The following ITPR2 variants were observed in gnomAD, a reference collection of about 807,000 sequenced individuals.
ITPR2 encodes the protein inositol 1,4,5-trisphosphate-gated calcium channel ITPR2.
Under a neutral mutation model 317.1 loss-of-function variants are expected in ITPR2, and 207 were observed. The observed-to-expected ratio is 0.65, with a 90% CI of 0.58 to 0.73. The LOEUF is 0.73. Ranked by LOEUF, ITPR2 falls within the 30% of genes least tolerant of loss-of-function variation. The pLI is 0.00. For synonymous variants in ITPR2, 1,156 were observed against 1,149.1 expected (o/e 1.01, Z -0.12); for missense variants, 2,613 against 3,284.0 (o/e 0.80, Z 4.99).
intron 1 of ITPR2, among the ~76,000 whole-genome samples, chr12:26,796,426 A>G (rs190268634): frequency 1.3e-3 from 192 of 152,352 alleles, no homozygotes; most frequent in Non-Finnish European, 2.4e-3. Flanking sequence ...TATCCAACAA[A>G]TTGGTAAAAA....
intron 35 of ITPR2, among the ~76,000 whole-genome samples, chr12:26,560,734 A>C (rs7309048): frequency 0.63 from 95,040 of 152,012 alleles, 31,873 homozygotes; most frequent in Non-Finnish European, 0.77. Context: ...CATTTTCCCC[A>C]AAATTTTTAA....
At chr12:26,375,719 A>G (rs1343280287) in intron 55 of ITPR2, among the ~76,000 whole-genome samples, 4 of 152,240 alleles carry the variant, frequency 2.6e-5, no homozygotes, top group Admixed American at 2.0e-4. Flanking sequence ...CTGTGATTTC[A>G]GCTATCAAGT....
At chr12:26,418,288 C>T (rs1940785492) in intron 50 of ITPR2, among the ~76,000 whole-genome samples, 1 of 152,116 alleles carries the variant, frequency 6.6e-6, no homozygotes, top group Non-Finnish European at 1.5e-5. Context: ...CAATGCTCTC[C>T]ACTGCATGCC....
chr12:26,831,749 ACATAAAATATATAAATATATATTC>A lies in ITPR2; in HGVS notation c.92+917_92+940del, dbSNP rs1176235008. On this transcript the variant is annotated intron_variant, in intron 1 of 56. Transcript: ENST00000381340. This position sits in a 1 kb window ranked among gnomAD's most constrained non-coding sequence, Gnocchi z 4.9. ...CATAAAATATATAAATATATATTCTACATAAAATATATAAATATATATTCTACATAAAATATATAAATATATATT... is the reference window on the plus strand; with the variant it reads ...CATAAAATATATAAATATATATTCTATACATAAAATATATAAATATATATT... Among the ~76,000 whole-genome samples, 4 of 119,848 alleles carry A rather than the reference ACATAAAATATATAAATATATATTC, an allele frequency of 3.3e-5. No individual in the cohort carries two copies. Among genetic ancestry groups the A allele is most frequent in the Non-Finnish European group, 5.7e-5 (3 of 52,746 alleles). The allele number at this position is 119,848 out of a possible 152,430, so 78.6% of individuals were successfully genotyped here.
rs769167915 is a variant in ITPR2 at position 26,387,504 on chromosome 12, A to G, written c.7787T>C (p.Ile2596Thr). The part of the protein sequence containing the change: ...EHNMWHYLYF[I>T]VLVKVKDPTE... The stretch of plus-strand genomic sequence containing the variant: ...TGGGTCTTTAACTTTCACCAGGACT[A>G]TGAAGTACAAATAATGCCACATATT... Residue 2596 changes from isoleucine to threonine, a missense_variant, in exon 55 of 57, where the codon ATA becomes ACA. Transcript: ENST00000381340. 1.5e-5 allele frequency: 24 copies of G among 1,613,776 alleles called. No homozygotes were observed. Among genetic ancestry groups the G allele is most frequent in the Non-Finnish European group, 1.7e-5 (20 of 1,179,856 alleles).
intron 48 of ITPR2, among the ~76,000 whole-genome samples, chr12:26,432,071 C>A (rs1403343186): frequency 6.6e-6 from 1 of 152,030 alleles, no homozygotes; most frequent in East Asian, 1.9e-4. Context: ...CTAGATTCCC[C>A]AAATGTCAAC....
chr12:26,773,591 T>G (rs1274496054), intron 2 of ITPR2, among the ~76,000 whole-genome samples: 60 of 152,202 alleles, frequency 3.9e-4, no homozygotes, highest in Admixed American at 3.9e-3. Context: ...CACTCAAAAT[T>G]CACACACTGT....
In ITPR2 at chr12:26,642,408, TG is replaced by T. The variant is rs564451690; in HGVS notation, c.2741-10350del. Among the ~76,000 whole-genome samples, 288 of 151,986 alleles carry T rather than the reference TG, an allele frequency of 1.9e-3. 2 individuals are homozygous for T. Among genetic ancestry groups the T allele is most frequent in the Non-Finnish European group, 3.0e-3 (201 of 67,964 alleles). On this transcript the variant is annotated intron_variant, in intron 21 of 56. Transcript: ENST00000381340. ...TGGATTAATGGCATTATCCCAGGAG[TG>T]GGTTTTTTGTGAAAGAATAAGTTTA... is the stretch of plus-strand genomic sequence containing the variant.
intron 13 of ITPR2, among the ~76,000 whole-genome samples, chr12:26,670,848 T>A (rs1311335852): frequency 1.3e-5 from 2 of 152,140 alleles, no homozygotes; most frequent in Non-Finnish European, 2.9e-5. Flanking sequence ...TACAGAGAAG[T>A]GCTTAAAGGA....
In ITPR2 at chr12:26,594,936, G is replaced by A. The variant is rs115967605; in HGVS notation, c.4380+529C>T. ...CCCAACAAAACAAACAGTAATAAGC[G>A]AATATAATTTGGTGGACACGAGTGA... On this transcript the variant is annotated intron_variant, in intron 32 of 56. Coordinates refer to ENST00000381340, the MANE Select transcript of ITPR2 (RefSeq NM_002223.4). Among the ~76,000 whole-genome samples, 942 of 152,194 alleles carry A rather than the reference G, an allele frequency of 6.2e-3. 10 individuals are homozygous for A. The highest frequency in any genetic ancestry group is 0.022 in the African/African-American group (911 of 41,524).
chr12:26,767,959 A>G (rs1189342516), intron 2 of ITPR2, among the ~76,000 whole-genome samples: 1 of 152,164 alleles, frequency 6.6e-6, no homozygotes, highest in African/African-American at 2.4e-5. Context: ...CTCACAGAAA[A>G]TAGGCTTTCT....
In ITPR2 at chr12:26,340,263, A is replaced by G; in HGVS notation, c.7923T>C (p.Ser2641=). The change falls in exon 56 of 57, where the codon AGT becomes AGC. Residue 2641 remains serine, a synonymous_variant. Transcript: ENST00000381340. ...AMSLVSNEGD[S]EQNEIRSLQE... ...GAAGGCTCCGAATTTCATTTTGCTC[A>G]CTGTCGCCTTCATTGCTAACGAGGG... 6.2e-7 allele frequency: 1 copy of G among 1,611,924 alleles called. No homozygotes were observed. The highest frequency in any genetic ancestry group is 1.1e-5 in the South Asian group (1 of 90,310).
rs1555155168 is a variant in ITPR2, at chr12:26,556,566, TTGTGTG to T, written c.4822-197_4822-192del. On this transcript the variant is annotated intron_variant, in intron 35 of 56. Coordinates refer to ENST00000381340, the MANE Select transcript of ITPR2 (RefSeq NM_002223.4). ...ATTGCCTGGGTCTCTATTTTTTTTT[TTGTGTG>T]TGTGTGTGTGTGTGTGTGTGTGTTT... 1.1e-3 allele frequency among the ~76,000 whole-genome samples: 150 copies of T among 136,270 alleles called. 1 individual carries two copies. Among genetic ancestry groups the T allele is most frequent in the African/African-American group, 4.0e-3 (142 of 35,324 alleles). The allele number at this position is 136,270 out of a possible 152,430, so 89.4% of individuals were successfully genotyped here.
chr12:26,419,193 A>G lies in ITPR2; in HGVS notation c.6966T>C (p.Phe2322=), dbSNP rs369243791. The part of the protein sequence containing the change: ...GAANLCNKIV[F]LVSFVGNRGT... ...CACGATTTCCAACAAAACTCACCAG[A>G]AAAACAATTTTATTACAAAGCTAAA... Residue 2322 remains phenylalanine (F), a synonymous_variant, in exon 50 of 57, where the codon TTT becomes TTC. Transcript: ENST00000381340. 333 of 1,613,432 alleles carry G rather than the reference A, an allele frequency of 2.1e-4. No homozygotes were observed. Among genetic ancestry groups the G allele is most frequent in the Non-Finnish European group, 2.5e-4 (300 of 1,179,680 alleles).
chr12:26,670,522 AGGACATCC>A (rs1450600605), intron 13 of ITPR2, among the ~76,000 whole-genome samples: 1 of 152,212 alleles, frequency 6.6e-6, no homozygotes, highest in Non-Finnish European at 1.5e-5. Flanking sequence ...ACAAACGGAA[AGGACATCC>A]ACACCAAAAA....
intron 9 of ITPR2, among the ~76,000 whole-genome samples, chr12:26,710,581 C>T (rs1458435240): frequency 6.6e-6 from 1 of 152,234 alleles, no homozygotes; most frequent in Non-Finnish European, 1.5e-5. Flanking sequence ...TTAATTAAAA[C>T]ATTTGTAAAA....
intron 2 of ITPR2, among the ~76,000 whole-genome samples, chr12:26,782,607 T>G (rs996747139): frequency 6.6e-6 from 1 of 152,218 alleles, no homozygotes; most frequent in Non-Finnish European, 1.5e-5. Context: ...GAACTTGGTT[T>G]AAGTCCCAGT....
At chr12:26,455,685 A>G (rs961851526) in intron 45 of ITPR2, among the ~76,000 whole-genome samples, 1 of 152,252 alleles carries the variant, frequency 6.6e-6, no homozygotes, top group African/African-American at 2.4e-5. Context: ...GGAAGGGAAG[A>G]AAGAGAAAAT....
Position 26,569,615 on chromosome 12 carries a change from A to T in ITPR2, c.4631-7663T>A, listed in dbSNP as rs576192808. Among the ~76,000 whole-genome samples the T allele has an allele frequency of 3.9e-5, 6 of 152,124 alleles. No individual in the cohort carries two copies. In the South Asian group the frequency reaches 1.2e-3, roughly 32 times the overall value. ...AAAATTGTTACTTATAGGCAAAGAG[A>T]TCATTTTCTTAAAAATGGTTACACA... is the stretch of plus-strand genomic sequence containing the variant. On this transcript the variant is annotated intron_variant, in intron 34 of 56. Transcript: ENST00000381340.
Sources: allele counts gnomAD v4.1 joint callset (sites outside exome capture counted in the v4.1 genomes callset), GRCh38; gene constraint gnomAD v4.1.1; non-coding constraint Gnocchi (gnomAD v3.1); transcripts MANE v1.5; gene names NCBI Gene and HGNC (gene_info 2026-07-23, HGNC 2026-07-21).